SGCG: variants seen among roughly 807,000 people sequenced by gnomAD.
SGCG encodes gamma-sarcoglycan.
SGCG carries 26 observed loss-of-function variants against 29.3 expected under a neutral mutation model. The ratio of observed to expected loss-of-function variants is 0.89; its 90% CI spans 0.65 to 1.23. The LOEUF is 1.23. Among genes scored for constraint, SGCG ranks in the 50% most tolerant of loss-of-function variants. SGCG has a pLI of 0.00. For synonymous variants in SGCG, 145 were observed against 129.7 expected (o/e 1.12, Z -0.80); for missense variants, 353 against 356.0 (o/e 0.99, Z 0.07).
At chr13:23,189,260 T>A (rs558287409) in intron 1 of SGCG, among the ~76,000 whole-genome samples, 1 of 152,312 alleles carries the variant, frequency 6.6e-6, no homozygotes, top group African/African-American at 2.4e-5. Context: ...CACTGCAACC[T>A]CCGCCTCCTG....
chr13:23,274,687 G>C (rs894250439), intron 4 of SGCG, among the ~76,000 whole-genome samples: 6 of 152,114 alleles, frequency 3.9e-5, no homozygotes, highest in Admixed American at 1.3e-4. Flanking sequence ...CTTCCAAAGT[G>C]CTGGGATTAT....
intron 3 of SGCG, among the ~76,000 whole-genome samples, chr13:23,236,512 C>G (rs1435985336): frequency 6.6e-6 from 1 of 151,946 alleles, no homozygotes; most frequent in Non-Finnish European, 1.5e-5. Context: ...CCCGTCTCTA[C>G]TAAAAATACA....
chr13:23,295,869 G>C (rs1881886498), intron 6 of SGCG, among the ~76,000 whole-genome samples: 1 of 152,158 alleles, frequency 6.6e-6, no homozygotes. Context: ...CATAGTCTGG[G>C]CTGTGACTGG....
Position 23,234,604 on chromosome 13 carries a change from T to TTTG in SGCG, c.196-6_196-5insTGT. The TTTG allele has an allele frequency of 6.3e-7, 1 of 1,593,820 alleles. No individual in the cohort carries two copies. Among genetic ancestry groups the TTTG allele is most frequent in the Non-Finnish European group, 8.6e-7 (1 of 1,162,442 alleles). On this transcript the variant is annotated splice_region_variant and splice_polypyrimidine_tract_variant and intron_variant, in intron 2 of 7. Coordinates refer to ENST00000218867, the MANE Select transcript of SGCG (RefSeq NM_000231.3). ...TATACGCATTGTCTCTTTTTTTTTT[T>TTTG]TAACAGGCAGGAATGGGCCACTTGT...
At chr13:23,293,686 G>T (rs1881800531) in intron 5 of SGCG, among the ~76,000 whole-genome samples, 1 of 152,074 alleles carries the variant, frequency 6.6e-6, no homozygotes, top group Non-Finnish European at 1.5e-5. Flanking sequence ...CAAAATATTA[G>T]CCGGGTGTGG....
At chr13:23,227,896 T>A (rs1486904202) in intron 2 of SGCG, among the ~76,000 whole-genome samples, 1 of 152,172 alleles carries the variant, frequency 6.6e-6, no homozygotes, top group East Asian at 1.9e-4. Flanking sequence ...CTTCAGCCTC[T>A]TCCTCCTGGG....
intron 1 of SGCG, among the ~76,000 whole-genome samples, chr13:23,198,729 C>T (rs1488909330): frequency 6.6e-6 from 1 of 151,400 alleles, no homozygotes; most frequent in Non-Finnish European, 1.5e-5. Context: ...ACCTGTAATC[C>T]CAGCTACTCA....
intron 4 of SGCG, among the ~76,000 whole-genome samples, chr13:23,261,223 G>A (rs1357712863): frequency 6.6e-6 from 1 of 151,142 alleles, no homozygotes; most frequent in Non-Finnish European, 1.5e-5. Flanking sequence ...TTCTTGCTTT[G>A]TTCATTTCTT....
At chr13:23,252,036 T>A (rs564010733) in intron 4 of SGCG, among the ~76,000 whole-genome samples, 3 of 152,348 alleles carry the variant, frequency 2.0e-5, no homozygotes, top group African/African-American at 7.2e-5. Flanking sequence ...ATAACTTGTA[T>A]CTCTCTTTGG....
At chr13:23,191,101 A>T (rs567018299) in intron 1 of SGCG, among the ~76,000 whole-genome samples, 2 of 152,238 alleles carry the variant, frequency 1.3e-5, no homozygotes, top group Non-Finnish European at 2.9e-5. Context: ...AAAGTTACAT[A>T]TTAAATCAAG....
chr13:23,268,889 T>C (rs1344312405), intron 4 of SGCG: 2 of 106,322 alleles, frequency 1.9e-5, no homozygotes, highest in Non-Finnish European at 4.7e-5. Context: ...GTTGAGGATA[T>C]TGAACGCTTT....
Position 23,292,185 on chromosome 13 carries a change from C to T in SGCG, c.506-3230C>T, listed in dbSNP as rs1279315742. ...AGTGCAATGGTACGATCTTGGCTCA[C>T]TGCAACCTCTGCCTCCCAGGTTCAA... On this transcript the variant is annotated intron_variant, in intron 5 of 7. Transcript: ENST00000218867. Among the ~76,000 whole-genome samples, 7 of 150,722 alleles carry T rather than the reference C, an allele frequency of 4.6e-5. No homozygotes were observed. In the Admixed American group the frequency reaches 4.6e-4, roughly 10 times the overall value.
chr13:23,165,894 T>C, the SGCG span, among the ~76,000 whole-genome samples: 21 of 152,292 alleles, frequency 1.4e-4, no homozygotes, highest in African/African-American at 4.6e-4. Context: ...ATAAACTTTG[T>C]ATCTTGCAAC....
chr13:23,235,843 A>G (rs1879287981), intron 3 of SGCG, among the ~76,000 whole-genome samples: 1 of 152,234 alleles, frequency 6.6e-6, no homozygotes, highest in Non-Finnish European at 1.5e-5. Context: ...GGAGAATTAG[A>G]AAAGAAACAA....
intron 6 of SGCG, among the ~76,000 whole-genome samples, chr13:23,316,744 A>G (rs12873068): frequency 0.19 from 28,923 of 151,984 alleles, 3,343 homozygotes; most frequent in Non-Finnish European, 0.25. Flanking sequence ...TGGCCTAGAG[A>G]TCTTAGTTCC....
chr13:23,229,794 C>G lies in SGCG; in HGVS notation c.196-4817C>G, dbSNP rs539490262. Among the ~76,000 whole-genome samples the G allele has an allele frequency of 1.0e-3, 158 of 152,270 alleles. 4 individuals are homozygous for G. The highest frequency in any genetic ancestry group is 0.01 in the Admixed American group (158 of 15,292). On this transcript the variant is annotated intron_variant, in intron 2 of 7. Coordinates refer to ENST00000218867, the MANE Select transcript of SGCG (RefSeq NM_000231.3). Reference sequence around the variant, plus strand: ...CAAAAGCTCTTTAGTTTAATGAGGCCTCATTTGTCAATTTTGGCTTCTGTT... The same window carrying G: ...CAAAAGCTCTTTAGTTTAATGAGGCGTCATTTGTCAATTTTGGCTTCTGTT...
chr13:23,245,401 G>C (rs1312331721), intron 3 of SGCG: 1 of 152,180 alleles, frequency 6.6e-6, no homozygotes, highest in East Asian at 1.9e-4. Flanking sequence ...ACTTATGTGA[G>C]GGTTCTCCAG....
chr13:23,278,235 G>A (rs1436989671), intron 4 of SGCG, among the ~76,000 whole-genome samples: 1 of 152,042 alleles, frequency 6.6e-6, no homozygotes, highest in Non-Finnish European at 1.5e-5. Context: ...CCTGAGGTTA[G>A]GAGTTCGAGA....
chr13:23,247,078 G>A, intron 3 of SGCG: 1 of 169,352 alleles, frequency 5.9e-6, no homozygotes, highest in Non-Finnish European at 1.3e-5. Context: ...GCCCACCCAG[G>A]CCTGGCCCTG....
Sources: gnomAD v4.1 joint callset for allele counts (sites outside exome capture counted in the v4.1 genomes callset) on GRCh38, gnomAD v4.1.1 for gene constraint, MANE v1.5 for transcripts, NCBI Gene and HGNC (gene_info 2026-07-23, HGNC 2026-07-21) for gene names.